The following ZFR variants were observed in gnomAD, a reference collection of about 807,000 sequenced individuals.
The protein encoded by ZFR is zinc finger RNA-binding protein.
Under a neutral mutation model 130.7 loss-of-function variants are expected in ZFR, and 19 were observed. The ratio of observed to expected loss-of-function variants is 0.15; its 90% CI spans 0.10 to 0.21. The LOEUF (loss-of-function observed/expected upper bound fraction) is 0.21, where lower values mean the gene tolerates loss of function less well. ZFR is among the 10% of genes least tolerant of loss of function. ZFR has a pLI of 1.00. For synonymous variants in ZFR, 466 were observed against 456.9 expected, an observed-to-expected ratio of 1.02 and a Z score of -0.25; for missense variants, 872 against 1,321.5, an observed-to-expected ratio of 0.66 and a Z score of 5.27.
At chr5:32,363,886 A>T in intron 19 of ZFR, 62 bp downstream of exon 19, 1 of 1,357,232 alleles carries the variant, frequency 7.4e-7, no homozygotes, top group Non-Finnish European at 1.0e-6. Flanking sequence ...TAAGACAATA[A>T]CAGAAAAATA....
intron 5 of ZFR, 87 bp from the exon 6 acceptor site, chr5:32,407,108 G>A (rs1753595232): frequency 8.5e-7 from 1 of 1,173,338 alleles, no homozygotes; most frequent in South Asian, 1.8e-5. Context: ...AATTAATCCT[G>A]CCAATAAAGA....
intron 4 of ZFR, among the ~76,000 whole-genome samples, chr5:32,416,325 GACC>G (rs1269685496): frequency 6.6e-6 from 1 of 152,120 alleles, no homozygotes; most frequent in Non-Finnish European, 1.5e-5. Context: ...ATAGAGAAGA[GACC>G]ACAAGGCTGG....
intron 12 of ZFR, among the ~76,000 whole-genome samples, chr5:32,389,978 C>G (rs1199285940): frequency 6.6e-6 from 1 of 152,128 alleles, no homozygotes; most frequent in African/African-American, 2.4e-5. Flanking sequence ...TGGCGAAACT[C>G]TATCTCTACT....
intron 2 of ZFR, among the ~76,000 whole-genome samples, chr5:32,442,504 G>A (rs1440092628): frequency 6.6e-6 from 1 of 152,138 alleles, no homozygotes; most frequent in African/African-American, 2.4e-5. Flanking sequence ...AAAATTATAA[G>A]CAAACGATTT....
At chr5:32,376,024 G>C (rs1752799615) in intron 17 of ZFR, among the ~76,000 whole-genome samples, 1 of 151,440 alleles carries the variant, frequency 6.6e-6, no homozygotes. Context: ...TGTGTTTTTA[G>C]TAGAGATGGG....
At chr5:32,420,696 G>C (rs1318081270) in intron 2 of ZFR, among the ~76,000 whole-genome samples, 1 of 152,214 alleles carries the variant, frequency 6.6e-6, no homozygotes, top group Non-Finnish European at 1.5e-5. Context: ...AACTGCAGAG[G>C]AGGTGGTGAT....
At chr5:32,419,768 T>C (rs1425313200) in intron 3 of ZFR, 53 bp downstream of exon 3, 2 of 1,532,500 alleles carry the variant, frequency 1.3e-6, no homozygotes, top group Non-Finnish European at 1.7e-6. Context: ...CATTATACAC[T>C]GAAGACAAAG....
intron 5 of ZFR, among the ~76,000 whole-genome samples, chr5:32,411,637 C>T (rs1477827291): frequency 3.0e-5 from 4 of 132,580 alleles, no homozygotes; most frequent in African/African-American, 1.2e-4. Context: ...TGCAGTGAGT[C>T]GAGATTGCGC....
At chr5:32,374,703 G>GCAAA (rs57357440) in intron 17 of ZFR, among the ~76,000 whole-genome samples, 140,068 of 150,460 alleles carry the variant, frequency 0.93, 65,283 homozygotes, top group African/African-American at 0.97. Context: ...AGAATTAAAA[G>GCAAA]CAAACAAACA....
chr5:32,384,679 A>T (rs2111721256), intron 15 of ZFR, among the ~76,000 whole-genome samples: 1 of 152,330 alleles, frequency 6.6e-6, no homozygotes, highest in Non-Finnish European at 1.5e-5. Flanking sequence ...AGTAAATTTT[A>T]TCTGACCCAT....
At chr5:32,438,820 T>C (rs369779750) in intron 2 of ZFR, among the ~76,000 whole-genome samples, 2 of 152,288 alleles carry the variant, frequency 1.3e-5, no homozygotes, top group African/African-American at 4.8e-5. Context: ...GGAAACAGCA[T>C]TGATAGGAAT....
rs1267420664 is a variant in ZFR, at chr5:32,403,175, T to C, written c.1447A>G (p.Thr483Ala). The C allele has an allele frequency of 6.2e-7, 1 of 1,614,216 alleles. No homozygotes were observed. The highest frequency in any genetic ancestry group is 8.5e-7 in the Non-Finnish European group (1 of 1,180,030). The change falls in exon 8 of 20, where the codon ACT becomes GCT. Residue 483 changes from threonine to alanine, a missense_variant. By Grantham distance (58) the Thr-to-Ala change is moderately conservative. This residue lies in a region of ZFR where 143 missense variants were observed against 137.9 expected (regional missense o/e 1.04). Coordinates refer to ENST00000265069, the MANE Select transcript of ZFR (RefSeq NM_016107.5). The part of the protein sequence containing the change: ...GNSSLNSTSN[T>A]KVSAVPTNMA... ...TTTGTAGGCACTGCTGATACTTTAG[T>C]GTTAGATGTGCTATTAAGAGACGAG...
chr5:32,420,136 C>A lies in ZFR; in HGVS notation c.138-33G>T. The A allele has an allele frequency of 2.8e-6, 4 of 1,444,154 alleles. No individual in the cohort carries two copies. The South Asian group carries it at 4.7e-5, about 17-fold the overall frequency. 89.5% of individuals were successfully genotyped at this position (1,444,154 alleles called of 1,614,324 possible). A position where few individuals can be genotyped will look rare whatever the true frequency, so the allele number is the denominator to read the frequency against. On this transcript the variant is annotated intron_variant, in intron 2 of 19. Transcript: ENST00000265069. ...GTGGAGTACAAGAATAAATATAATA[C>A]AATTTTAATATCCAGGAGTTAACCA...
intron 5 of ZFR, 95 bp from the exon 6 acceptor site, chr5:32,407,116 A>G: frequency 8.8e-7 from 1 of 1,134,542 alleles, no homozygotes; most frequent in Non-Finnish European, 1.2e-6. Context: ...CTGCCAATAA[A>G]GATAGATTTA....
chr5:32,415,513 T>TGTG (rs1554073605), intron 4 of ZFR, among the ~76,000 whole-genome samples: 2 of 92,250 alleles, frequency 2.2e-5, no homozygotes, highest in Non-Finnish European at 4.2e-5. Flanking sequence ...TGTGTGTGTG[T>TGTG]GTGCGCGCGC....
intron 2 of ZFR, among the ~76,000 whole-genome samples, chr5:32,435,847 C>T (rs1754319885): frequency 2.0e-5 from 3 of 152,180 alleles, no homozygotes; most frequent in South Asian, 4.1e-4. Flanking sequence ...ACCTCTGGAG[C>T]TCTTAAGTAT....
At chr5:32,391,273 A>G (rs1342680057) in intron 11 of ZFR, among the ~76,000 whole-genome samples, 2 of 152,194 alleles carry the variant, frequency 1.3e-5, no homozygotes, top group Non-Finnish European at 2.9e-5. Context: ...CATATAGCAT[A>G]TACAGGGTTT....
At chr5:32,402,861 G>A (rs1036709139) in intron 8 of ZFR, among the ~76,000 whole-genome samples, 9 of 151,742 alleles carry the variant, frequency 5.9e-5, no homozygotes, top group African/African-American at 2.2e-4. Context: ...TGTGTGTGCA[G>A]ATCTTTTTTT....
chr5:32,402,416 A>G (rs1753471015), intron 8 of ZFR, among the ~76,000 whole-genome samples: 1 of 152,136 alleles, frequency 6.6e-6, no homozygotes, highest in African/African-American at 2.4e-5. Flanking sequence ...CTTCAGAAAA[A>G]GGCAGAGTAG....
Sources: allele counts gnomAD v4.1 joint callset (sites outside exome capture counted in the v4.1 genomes callset), GRCh38; gene constraint gnomAD v4.1.1; regional missense constraint gnomAD v4.1.1; transcripts MANE v1.5; gene names NCBI Gene and HGNC (gene_info 2026-07-23, HGNC 2026-07-21).